The following PCDH11Y variants were observed in gnomAD, a reference collection of about 807,000 sequenced individuals.
The protein encoded by PCDH11Y is protocadherin-11 Y-linked.
For synonymous variants in PCDH11Y, 9 were observed against 83.6 expected (o/e 0.11, Z 4.87); for missense variants, 12 against 224.8 (o/e 0.05, Z 6.05).
At chrY:5,186,255 T>C in intron 2 of PCDH11Y, among the ~76,000 whole-genome samples, 1 of 32,533 alleles carries the variant, frequency 3.1e-5, no homozygotes, top group South Asian at 7.0e-4. Context: ...ACGAATTCAG[T>C]AAAGTCACAG....
chrY:5,551,965 A>G, intron 3 of PCDH11Y, among the ~76,000 whole-genome samples: 1 of 32,423 alleles, frequency 3.1e-5, no homozygotes, highest in Non-Finnish European at 7.6e-5. Context: ...TTTCCTTATT[A>G]CAGTCCCCAT....
At chrY:5,477,611 G>A in intron 2 of PCDH11Y, among the ~76,000 whole-genome samples, 1 of 31,268 alleles carries the variant, frequency 3.2e-5, no homozygotes, top group Non-Finnish European at 7.8e-5. Flanking sequence ...GTACCTCTGG[G>A]AGAATTCGGC....
chrY:5,443,583 A>G, intron 2 of PCDH11Y, among the ~76,000 whole-genome samples: 5 of 33,360 alleles, frequency 1.5e-4, no homozygotes, highest in Non-Finnish European at 7.5e-5. Flanking sequence ...TAGAACTACC[A>G]TATGATTTAG....
chrY:5,504,618 GATA>G (rs2053357242), intron 3 of PCDH11Y, among the ~76,000 whole-genome samples: 1 of 32,652 alleles, frequency 3.1e-5, no homozygotes, highest in Admixed American at 2.9e-4. Context: ...TACTGGAACA[GATA>G]ATGTCTGCAT....
chrY:5,570,910 T>C, intron 3 of PCDH11Y, among the ~76,000 whole-genome samples: 1 of 30,948 alleles, frequency 3.2e-5, no homozygotes, highest in South Asian at 7.1e-4. Flanking sequence ...AATGCCAGCA[T>C]GGTACTACTG....
chrY:5,666,656 T>C (rs2053544831), intron 4 of PCDH11Y, among the ~76,000 whole-genome samples: 1 of 32,801 alleles, frequency 3.0e-5, no homozygotes, highest in Non-Finnish European at 7.5e-5. Context: ...CTGGAGTTTC[T>C]AAGGGAAGAT....
chrY:5,326,908 A>G, intron 2 of PCDH11Y, among the ~76,000 whole-genome samples: 1 of 33,123 alleles, frequency 3.0e-5, no homozygotes, highest in African/African-American at 1.2e-4. Context: ...CTAAAACAGT[A>G]AGGTCAAGTT....
At chrY:5,356,778 G>A (rs2053166630) in intron 2 of PCDH11Y, among the ~76,000 whole-genome samples, 2 of 27,401 alleles carry the variant, frequency 7.3e-5, no homozygotes, top group African/African-American at 1.5e-4. Flanking sequence ...CCAGCTACTC[G>A]GGAGGCTAAG....
chrY:5,517,322 G>T, intron 3 of PCDH11Y, among the ~76,000 whole-genome samples: 1 of 32,381 alleles, frequency 3.1e-5, no homozygotes, highest in South Asian at 6.8e-4. Context: ...AATATTAAAA[G>T]CATAATTCTT....
At chrY:5,130,132 G>A in intron 2 of PCDH11Y, among the ~76,000 whole-genome samples, 1 of 33,100 alleles carries the variant, frequency 3.0e-5, no homozygotes. Context: ...TCTATGTTTT[G>A]CTATTGGAAG....
chrY:5,359,619 C>G, intron 2 of PCDH11Y, among the ~76,000 whole-genome samples: 8 of 31,317 alleles, frequency 2.6e-4, no homozygotes, highest in Non-Finnish European at 5.4e-4. Flanking sequence ...ATGCCTCTGA[C>G]AACAGGAAGG....
chrY:5,593,692 T>C, intron 4 of PCDH11Y, among the ~76,000 whole-genome samples: 2 of 31,665 alleles, frequency 6.3e-5, no homozygotes, highest in African/African-American at 2.5e-4. Flanking sequence ...TTGTTTTTTT[T>C]TTTTAATCCT....
At chrY:5,201,048 C>T (rs2052926323) in intron 2 of PCDH11Y, among the ~76,000 whole-genome samples, 35 of 32,783 alleles carry the variant, frequency 1.1e-3, no homozygotes, top group South Asian at 5.5e-3. Flanking sequence ...GCTATTTGGC[C>T]TTTCCTAATC....
intron 4 of PCDH11Y, among the ~76,000 whole-genome samples, chrY:5,695,475 T>C: frequency 5.2e-5 from 1 of 19,417 alleles, no homozygotes. Context: ...TAAATTTACA[T>C]ACAATGTTAT....
At chrY:5,408,046 A>G in intron 2 of PCDH11Y, among the ~76,000 whole-genome samples, 2 of 32,933 alleles carry the variant, frequency 6.1e-5, no homozygotes, top group African/African-American at 1.2e-4. Flanking sequence ...GCTTTTCCCA[A>G]ATTGAAGGAC....
chrY:5,588,401 T>C, intron 4 of PCDH11Y, among the ~76,000 whole-genome samples: 1 of 33,342 alleles, frequency 3.0e-5, no homozygotes, highest in Non-Finnish European at 7.4e-5. Flanking sequence ...TCTGTATTTA[T>C]TGTGTATTTA....
chrY:5,319,569 T>C, intron 2 of PCDH11Y, among the ~76,000 whole-genome samples: 1 of 33,038 alleles, frequency 3.0e-5, no homozygotes, highest in East Asian at 8.0e-4. Context: ...TGGTAATATA[T>C]GCATTATCAA....
intron 4 of PCDH11Y, among the ~76,000 whole-genome samples, chrY:5,658,402 A>G (rs2053538631): frequency 6.0e-5 from 2 of 33,062 alleles, no homozygotes; most frequent in Admixed American, 5.6e-4. Flanking sequence ...CTTTGAATAC[A>G]CTTTCTACCC....
intron 4 of PCDH11Y, among the ~76,000 whole-genome samples, chrY:5,688,963 G>C (rs2053565742): frequency 3.2e-5 from 1 of 31,310 alleles, no homozygotes; most frequent in Non-Finnish European, 7.7e-5. Flanking sequence ...ACTTGGGGAG[G>C]CCGAGGTGGG....
Sources: gnomAD v4.1 joint callset for allele counts (sites outside exome capture counted in the v4.1 genomes callset) on GRCh38, gnomAD v4.1.1 for gene constraint, MANE v1.5 for transcripts, NCBI Gene and HGNC (gene_info 2026-07-23, HGNC 2026-07-21) for gene names.